The following UPF3A variants were observed in gnomAD, a reference collection of about 807,000 sequenced individuals.
UPF3A encodes UPF3A regulator of nonsense mediated mRNA decay.
Under a neutral mutation model 53.5 loss-of-function variants are expected in UPF3A, and 42 were observed. The ratio of observed to expected loss-of-function variants is 0.78; its 90% confidence interval spans 0.61 to 1.01. The LOEUF (loss-of-function observed/expected upper bound fraction) is 1.01, where lower values mean the gene tolerates loss of function less well. UPF3A is among the 50% of genes least tolerant of loss of function. The probability of loss-of-function intolerance (pLI) is 0.00; values close to 1 mark genes in which losing one functional copy is unlikely to be tolerated. For synonymous variants in UPF3A, 237 were observed against 225.3 expected (o/e 1.05, Z -0.47); for missense variants, 575 against 598.0 (o/e 0.96, Z 0.40).
intron 2 of UPF3A, chr13:114,282,463 G>C: frequency 1.0e-6 from 1 of 985,436 alleles, no homozygotes; most frequent in Non-Finnish European, 1.2e-6. Context: ...GCCGGGGGGC[G>C]CCGGCTCTTC....
rs1463693284 is a variant in UPF3A, at chr13:114,281,800, G to A, written c.161G>A (p.Gly54Asp). Residue 54 changes from glycine (G) to aspartate (D), a missense_variant, in exon 1 of 10, where the codon GGC becomes GAC. Gly to Asp is a moderately conservative substitution (Grantham distance 94). Transcript: ENST00000375299. ...CCAACTTCGTCCTCCGGTTGCGGGGGCGGTGCGGGCAAACCTCGCGAGGAG... is the reference window on the plus strand; with the variant it reads ...CCAACTTCGTCCTCCGGTTGCGGGGACGGTGCGGGCAAACCTCGCGAGGAG... ...TPPTSSSGCG[G>D]GAGKPREEKR... is the part of the protein sequence containing the mutation. The A allele has an allele frequency of 6.4e-7, 1 of 1,554,342 alleles. No individual in the cohort carries two copies. Among genetic ancestry groups the A allele is most frequent in the Admixed American group, 1.9e-5 (1 of 51,910 alleles).
At chr13:114,298,233 C>T (rs1171035013) in intron 7 of UPF3A, among the ~76,000 whole-genome samples, 9 of 151,830 alleles carry the variant, frequency 5.9e-5, no homozygotes, top group Non-Finnish European at 1.3e-4. Flanking sequence ...ATTAGCTGAG[C>T]GTGGTGGTGG....
chr13:114,299,426 G>A (rs1347694146), intron 8 of UPF3A, among the ~76,000 whole-genome samples: 1 of 152,028 alleles, frequency 6.6e-6, no homozygotes, highest in Non-Finnish European at 1.5e-5. Context: ...GCATATTTGG[G>A]AACCCCCTCT....
chr13:114,304,639 G>C, intron 9 of UPF3A, 150 bp from the exon 10 acceptor site: 1 of 1,046,818 alleles, frequency 9.6e-7, no homozygotes, highest in South Asian at 1.6e-5. Context: ...TGGTTTCTGA[G>C]ATAGTGCTGT....
chr13:114,304,713 C>G (rs1295315982), intron 9 of UPF3A, 76 bp from the exon 10 acceptor site: 2 of 1,538,760 alleles, frequency 1.3e-6, no homozygotes, highest in Non-Finnish European at 1.8e-6. Flanking sequence ...TCATCAAGTT[C>G]TAGAAATATA....
intron 7 of UPF3A, among the ~76,000 whole-genome samples, chr13:114,293,892 C>T (rs2085559220): frequency 6.6e-6 from 1 of 151,992 alleles, no homozygotes; most frequent in Non-Finnish European, 1.5e-5. Flanking sequence ...GAGACCAGGG[C>T]AGGTGGATTG....
chr13:114,286,226 AAGTT>A, intron 3 of UPF3A, 72 bp from the exon 4 acceptor site: 1 of 1,581,876 alleles, frequency 6.3e-7, no homozygotes, highest in Non-Finnish European at 8.6e-7. Context: ...CTCTTTAAGT[AAGTT>A]AGGTCATTAT....
intron 7 of UPF3A, among the ~76,000 whole-genome samples, chr13:114,295,122 A>AAAC (rs1555372966): frequency 3.3e-5 from 5 of 151,470 alleles, no homozygotes; most frequent in Non-Finnish European, 4.4e-5. Context: ...AAAAAAAAAA[A>AAAC]AAAAAAGAAA....
chr13:114,296,148 G>A (rs1440668185), intron 7 of UPF3A, among the ~76,000 whole-genome samples: 3 of 152,332 alleles, frequency 2.0e-5, no homozygotes, highest in Admixed American at 6.5e-5. Flanking sequence ...TCTTTGGGGG[G>A]CCAAGGCAGG....
chr13:114,282,190 C>CA (rs2084140210), intron 2 of UPF3A, 63 bp downstream of exon 2: 9 of 1,375,694 alleles, frequency 6.5e-6, no homozygotes, highest in Non-Finnish European at 8.9e-6. Context: ...CGGTGGCCGT[C>CA]TCGTTGCCTT....
At position 114,299,137 on chromosome 13, in the gene UPF3A, C is replaced by A. The variant is rs1246041231; in HGVS notation, c.1007+137C>A. On this transcript the variant is annotated intron_variant, in intron 8 of 9. Coordinates refer to ENST00000375299, the MANE Select transcript of UPF3A (RefSeq NM_023011.4). ...GGGTGTGCGAGTACACGTTAGCCTT[C>A]ATTTCCCATCAGCATGGCAGGAACG... 1.1e-5 allele frequency: 9 copies of A among 828,062 alleles called. No individual in the cohort carries two copies. The East Asian group carries it at 2.2e-4, about 21-fold the overall frequency. The allele number at this position is 828,062 out of a possible 1,614,324, so 51.3% of individuals were successfully genotyped here. A position where few individuals can be genotyped will look rare whatever the true frequency, so the allele number is the denominator to read the frequency against.
At chr13:114,282,340 G>A in intron 2 of UPF3A, 1 of 996,112 alleles carries the variant, frequency 1.0e-6, no homozygotes, top group Non-Finnish European at 1.4e-6. Context: ...GAAAAATGCG[G>A]ATGATTTTCA....
chr13:114,290,306 G>T (rs773575731), intron 5 of UPF3A, among the ~76,000 whole-genome samples: 3 of 152,142 alleles, frequency 2.0e-5, no homozygotes, highest in Non-Finnish European at 2.9e-5. Flanking sequence ...CAGGGTGTCA[G>T]GGGTTCTCAG....
intron 3 of UPF3A, chr13:114,283,677 T>TA (rs1460091970): frequency 8.6e-5 from 70 of 811,544 alleles, no homozygotes; most frequent in Non-Finnish European, 9.8e-5. Context: ...TCACTGCTGT[T>TA]AAACAGCTTT....
At position 114,291,912 on chromosome 13, in the gene UPF3A, G is replaced by T. The variant is rs141154185; in HGVS notation, c.846+120G>T. Reference sequence around the variant, plus strand: ...TTCTGAATTAATCTAATATTGTGTTGTTATTTTTTTCCATCTTTTCCATCT... The same window carrying T: ...TTCTGAATTAATCTAATATTGTGTTTTTATTTTTTTCCATCTTTTCCATCT... On this transcript the variant is annotated intron_variant, in intron 7 of 9. Coordinates refer to ENST00000375299, the MANE Select transcript of UPF3A (RefSeq NM_023011.4). The T allele has an allele frequency of 4.1e-4, 527 of 1,289,990 alleles. 2 individuals are homozygous for T. The African/African-American group carries it at 7.5e-3, about 18-fold the overall frequency. 79.9% of individuals were successfully genotyped at this position (1,289,990 alleles called of 1,614,324 possible).
At chr13:114,303,413 G>A (rs1011076949) in intron 9 of UPF3A, among the ~76,000 whole-genome samples, 6 of 152,108 alleles carry the variant, frequency 3.9e-5, no homozygotes, top group African/African-American at 1.2e-4. Context: ...CTACTTTCCC[G>A]GGAGCCTGGC....
chr13:114,292,090 CTT>C (rs745358460), intron 7 of UPF3A, among the ~76,000 whole-genome samples: 44 of 133,668 alleles, frequency 3.3e-4, no homozygotes, highest in Admixed American at 8.4e-4. Flanking sequence ...TGCTGACGCT[CTT>C]TTTTTTTTTT....
At chr13:114,296,241 G>A (rs2085992343) in intron 7 of UPF3A, among the ~76,000 whole-genome samples, 1 of 152,128 alleles carries the variant, frequency 6.6e-6, no homozygotes, top group Non-Finnish European at 1.5e-5. Context: ...AAATTAGCCA[G>A]GCATGGTGGC....
intron 2 of UPF3A, 48 bp downstream of exon 2, chr13:114,282,175 G>T (rs1381546938): frequency 6.8e-7 from 1 of 1,462,062 alleles, no homozygotes; most frequent in Admixed American, 2.2e-5. Context: ...CCCAGAGCTC[G>T]GCGGCGGTGG....
Sources: gnomAD v4.1 joint callset for allele counts (sites outside exome capture counted in the v4.1 genomes callset) on GRCh38, gnomAD v4.1.1 for gene constraint, MANE v1.5 for transcripts, NCBI Gene and HGNC (gene_info 2026-07-23, HGNC 2026-07-21) for gene names.